RTN4: variants seen among roughly 807,000 people sequenced by gnomAD.
The protein encoded by RTN4 is reticulon 4.
In RTN4, 32 loss-of-function variants were observed where a neutral mutation model predicts 90.4. The ratio of observed to expected loss-of-function variants is 0.35; its 90% CI spans 0.27 to 0.48. The LOEUF is 0.48. RTN4 is among the 20% of genes least tolerant of loss of function. The probability of loss-of-function intolerance (pLI) is 0.99; values close to 1 mark genes in which losing one functional copy is unlikely to be tolerated. For missense variants in RTN4, 1,706 were observed against 1,430.2 expected, an observed-to-expected ratio of 1.19 and a Z score of -3.11; for synonymous variants, 629 against 552.5, an observed-to-expected ratio of 1.14 and a Z score of -1.94.
At chr2:55,103,901 G>C (rs934361333) in intron 1 of RTN4, among the ~76,000 whole-genome samples, 3 of 151,942 alleles carry the variant, frequency 2.0e-5, no homozygotes, top group Non-Finnish European at 4.4e-5. Flanking sequence ...CACCATGTTG[G>C]CCAGGCTGGT....
intron 3 of RTN4, among the ~76,000 whole-genome samples, chr2:55,002,045 CT>C (rs1679886267): frequency 1.4e-5 from 2 of 147,574 alleles, no homozygotes; most frequent in African/African-American, 4.9e-5. Flanking sequence ...TCAATCAAAT[CT>C]TATTTTATTT....
At chr2:55,115,029 T>C (rs1270932001), upstream of RTN4, among the ~76,000 whole-genome samples, 3 of 152,228 alleles carry the variant, frequency 2.0e-5, no homozygotes, top group East Asian at 3.8e-4. Context: ...GGAGAGAATA[T>C]AAAAACTTCT....
intron 1 of RTN4, among the ~76,000 whole-genome samples, chr2:55,100,945 C>T (rs1277398112): frequency 6.6e-6 from 1 of 151,324 alleles, no homozygotes; most frequent in African/African-American, 2.4e-5. Context: ...ACTTAAAACA[C>T]TTTGGATTAA....
At chr2:55,035,099 G>A (rs925075044) in intron 1 of RTN4, among the ~76,000 whole-genome samples, 30 of 152,056 alleles carry the variant, frequency 2.0e-4, no homozygotes, top group South Asian at 1.0e-3. Flanking sequence ...AAAGCAGATG[G>A]GACAAAGAAA....
At chr2:55,045,199 C>T (rs891315875) in intron 1 of RTN4, among the ~76,000 whole-genome samples, 2 of 152,130 alleles carry the variant, frequency 1.3e-5, no homozygotes, top group African/African-American at 4.8e-5. Context: ...CAATTTTATA[C>T]AAATTTTCAT....
chr2:55,060,246 T>G (rs1668265852), intron 2 of RTN4, among the ~76,000 whole-genome samples: 1 of 152,244 alleles, frequency 6.6e-6, no homozygotes, highest in South Asian at 2.1e-4. Context: ...TTAAAAGGAA[T>G]GGGCATGGGG....
At chr2:55,004,233 C>T (rs960986952) in intron 3 of RTN4, among the ~76,000 whole-genome samples, 6 of 152,074 alleles carry the variant, frequency 3.9e-5, no homozygotes, top group African/African-American at 9.7e-5. Flanking sequence ...AAGAAGTATA[C>T]GACATTCAAT....
At chr2:55,135,895 C>T in the RTN4 span, among the ~76,000 whole-genome samples, 1 of 152,274 alleles carries the variant, frequency 6.6e-6, no homozygotes, top group Non-Finnish European at 1.5e-5. Flanking sequence ...ATCAGTAGTT[C>T]ATTCCTTCTT....
chr2:55,012,976 CCTAA>C (rs1019756692), intron 3 of RTN4, among the ~76,000 whole-genome samples: 103 of 152,246 alleles, frequency 6.8e-4, no homozygotes, highest in African/African-American at 2.3e-3. Flanking sequence ...CCTTCAACTA[CCTAA>C]CTTTTAAAAA....
chr2:55,070,545 CAAAA>C (rs747838297), intron 2 of RTN4, among the ~76,000 whole-genome samples: 31 of 67,334 alleles, frequency 4.6e-4, no homozygotes, highest in African/African-American at 1.3e-3. Context: ...GACTCTGTCT[CAAAA>C]AAAAAAAAAA....
rs1425042253 is a variant in RTN4 at position 55,027,437 on chromosome 2, T to A, written c.662A>T (p.Gln221Leu). 4.3e-6 allele frequency: 7 copies of A among 1,613,108 alleles called. No homozygotes were observed. The highest frequency in any genetic ancestry group is 5.9e-6 in the Non-Finnish European group (7 of 1,179,552). The part of the protein sequence containing the change: ...EQPGNTISAG[Q>L]EDFPSVLLET... ...AAGCAGGACAGATGGGAAATCCTCTTGACCAGCCGAAATAGTGTTACCTGG... is the reference window on the plus strand; with the variant it reads ...AAGCAGGACAGATGGGAAATCCTCTAGACCAGCCGAAATAGTGTTACCTGG... Residue 221 changes from glutamine (Q) to leucine (L), a missense_variant, in exon 3 of 9, where the codon CAA becomes CTA. Coordinates refer to ENST00000337526, the MANE Select transcript of RTN4 (RefSeq NM_020532.5).
At chr2:55,113,676 C>A (rs1009555), upstream of RTN4, among the ~76,000 whole-genome samples, 2 of 152,108 alleles carry the variant, frequency 1.3e-5, no homozygotes, top group South Asian at 2.1e-4. Flanking sequence ...GTTTCACAAC[C>A]CACATCATCC....
chr2:55,118,875 A>T, the RTN4 span, among the ~76,000 whole-genome samples: 2 of 152,250 alleles, frequency 1.3e-5, no homozygotes, highest in Non-Finnish European at 2.9e-5. Flanking sequence ...ATCAGGAAGC[A>T]AGCAGCCTGC....
intron 1 of RTN4, among the ~76,000 whole-genome samples, chr2:55,047,935 AGGG>A (rs1274578219): frequency 2.0e-5 from 3 of 151,872 alleles, no homozygotes; most frequent in African/African-American, 7.2e-5. Flanking sequence ...CTCGCTGAAC[AGGG>A]GGAACAGGAT....
chr2:55,122,674 G>A, the RTN4 span, among the ~76,000 whole-genome samples: 1 of 152,226 alleles, frequency 6.6e-6, no homozygotes, highest in Non-Finnish European at 1.5e-5. Context: ...AAACAGAGCT[G>A]AGCCCAGATT....
the RTN4 span, among the ~76,000 whole-genome samples, chr2:55,135,396 G>A: frequency 6.6e-6 from 1 of 151,876 alleles, no homozygotes; most frequent in African/African-American, 2.4e-5. Context: ...TAGTAGAGAT[G>A]GGATTTCACC....
intron 1 of RTN4, among the ~76,000 whole-genome samples, chr2:55,032,758 G>A (rs909518437): frequency 1.3e-5 from 2 of 152,026 alleles, no homozygotes; most frequent in African/African-American, 4.8e-5. Flanking sequence ...CCAGGCATGG[G>A]AGCTCATGCC....
chr2:55,018,459 G>C (rs746625502), intron 3 of RTN4, among the ~76,000 whole-genome samples: 1 of 152,028 alleles, frequency 6.6e-6, no homozygotes, highest in Admixed American at 6.6e-5. Context: ...TAATGTATTT[G>C]ACTATATACA....
At position 55,026,194 on chromosome 2, in the gene RTN4, G is replaced by A. The variant is rs199938038; in HGVS notation, c.1905C>T (p.Ser635=). 5 of 1,613,624 alleles carry A rather than the reference G, an allele frequency of 3.1e-6. No homozygotes were observed. The highest frequency in any genetic ancestry group is 4.2e-6 in the Non-Finnish European group (5 of 1,179,850). ...CTGAAGAAGCTTCTAATGGTGATGA[G>A]CTGGGCTGTATCACGGAAGCACCAG... is the stretch of plus-strand genomic sequence containing the variant. ...PSAGASVIQP[S]SSPLEASSVN... is the part of the protein sequence containing the mutation. Residue 635 remains serine, a synonymous_variant, in exon 3 of 9, where the codon AGC becomes AGT. Transcript: ENST00000337526.
Sources: gnomAD v4.1 joint callset for allele counts (sites outside exome capture counted in the v4.1 genomes callset) on GRCh38, gnomAD v4.1.1 for gene constraint, MANE v1.5 for transcripts, NCBI Gene and HGNC (gene_info 2026-07-23, HGNC 2026-07-21) for gene names.